ARHGAP36: variants seen among roughly 807,000 people sequenced by gnomAD.
The protein encoded by ARHGAP36 is rho GTPase-activating protein 36.
A neutral mutation model predicts 32.9 loss-of-function variants in ARHGAP36; 7 were observed. That is an observed-to-expected ratio of 0.21 (90% CI 0.12 to 0.40). The LOEUF (loss-of-function observed/expected upper bound fraction) is 0.40. Among genes scored for constraint, ARHGAP36 ranks in the 10% least tolerant of loss-of-function variants. The pLI, the probability that ARHGAP36 is intolerant of heterozygous loss-of-function variation, is 1.00. For missense variants in ARHGAP36, 383 were observed against 442.2 expected, an observed-to-expected ratio of 0.87 and a Z score of 1.20; for synonymous variants, 165 against 168.3, an observed-to-expected ratio of 0.98 and a Z score of 0.15.
At chrX:131,059,785 G>A (rs746375232) in intron 1 of ARHGAP36, among the ~76,000 whole-genome samples, 2 of 111,489 alleles carry the variant, frequency 1.8e-5, no homozygotes, top group Non-Finnish European at 3.8e-5. Context: ...GTCTTTTAAG[G>A]CCTTACTGCT....
chrX:131,082,719 C>G (rs1432597633), intron 2 of ARHGAP36, among the ~76,000 whole-genome samples: 1 of 113,139 alleles, frequency 8.8e-6, no homozygotes, highest in Admixed American at 9.2e-5. Flanking sequence ...CGCCGCTTCT[C>G]CTACCGCAGC....
intron 11 of ARHGAP36, 137 bp downstream of exon 11, chrX:131,086,802 A>C (rs991695771): frequency 6.2e-6 from 3 of 480,286 alleles, no homozygotes; most frequent in Admixed American, 8.1e-5. Context: ...ATGAAGAGCT[A>C]GTATTTGAAT....
At chrX:131,072,325 G>A (rs981777149) in intron 1 of ARHGAP36, among the ~76,000 whole-genome samples, 4 of 111,948 alleles carry the variant, frequency 3.6e-5, no homozygotes, top group Non-Finnish European at 5.6e-5. Context: ...AGAGGCCCTA[G>A]ACAAGAAGAC....
Position 131,081,801 on chromosome X carries a change from A to G in ARHGAP36, c.136A>G (p.Arg46Gly). The change falls in exon 2 of 12, where the codon AGG (arginine) becomes GGG (glycine). Residue 46 changes from arginine to glycine, a missense_variant. Physicochemically the swap from Arg to Gly is moderately radical, Grantham distance 125 (BLOSUM62 -2). Transcript: ENST00000276211. ...AGCCCCAGGACACAACCCCGACCGC[A>G]GGACGAAGATGGTATCGATACACAG... ...GGAPGHNPDR[R>G]TKMVSIHSLS... 1.7e-6 allele frequency: 2 copies of G among 1,212,102 alleles called. No homozygotes were observed. Among genetic ancestry groups the G allele is most frequent in the African/African-American group, 3.5e-5 (2 of 57,853 alleles).
chrX:131,081,874 A>T lies in ARHGAP36; in HGVS notation c.209A>T (p.Glu70Val). Residue 70 changes from glutamate to valine, a missense_variant, in exon 2 of 12, where the codon GAA (glutamate) becomes GTA (valine). Transcript: ENST00000276211. The stretch of plus-strand genomic sequence containing the variant: ...AAGCTGCAAGAGACTGCTTACCACG[A>T]ACTCGTGGCCAGACATTTCCTCTCC... ...RLKLQETAYH[E>V]LVARHFLSEF... 1 of 1,211,887 alleles carries T rather than the reference A, an allele frequency of 8.3e-7. No homozygotes were observed. The highest frequency in any genetic ancestry group is 3.0e-5 in the East Asian group (1 of 33,829).
At chrX:131,060,238 A>G (rs890380848) in intron 1 of ARHGAP36, among the ~76,000 whole-genome samples, 11 of 112,077 alleles carry the variant, frequency 9.8e-5, no homozygotes, top group African/African-American at 3.3e-4. Context: ...ATAAATGTCC[A>G]GTGACCAGGC....
chrX:131,070,280 A>G (rs1303629684), intron 1 of ARHGAP36, among the ~76,000 whole-genome samples: 1 of 112,345 alleles, frequency 8.9e-6, no homozygotes, highest in Non-Finnish European at 1.9e-5. Flanking sequence ...GGCCAGCTAG[A>G]GGGTGATTCA....
At chrX:131,083,077 C>T (rs1187351889) in intron 2 of ARHGAP36, 88 bp from the exon 3 acceptor site, 7 of 956,399 alleles carry the variant, frequency 7.3e-6, no homozygotes, top group Non-Finnish European at 7.2e-6. Flanking sequence ...CGCTCCCTCC[C>T]CCTGCTGCAG....
At chrX:131,082,790 G>T (rs777523555) in intron 2 of ARHGAP36, among the ~76,000 whole-genome samples, 19 of 113,213 alleles carry the variant, frequency 1.7e-4, no homozygotes, top group Non-Finnish European at 2.4e-4. Context: ...ACCCTCACCC[G>T]CGGTGGCGCT....
Position 131,081,972 on chromosome X carries a change from G to A in ARHGAP36, c.253+54G>A, listed in dbSNP as rs2079803205. On this transcript the variant is annotated intron_variant, in intron 2 of 11. Coordinates refer to ENST00000276211, the MANE Select transcript of ARHGAP36 (RefSeq NM_144967.4). ...TCGCCTTCGGGAGAGTGGACCCTCC[G>A]GGCAGGACGGGGCGGATTAGGGGTC... 9.4e-6 allele frequency: 11 copies of A among 1,171,834 alleles called. No individual in the cohort carries two copies. The South Asian group carries it at 1.5e-4, about 16-fold the overall frequency.
At chrX:131,061,682 A>T (rs949853499) in intron 1 of ARHGAP36, among the ~76,000 whole-genome samples, 3 of 111,187 alleles carry the variant, frequency 2.7e-5, no homozygotes, top group African/African-American at 9.8e-5. Flanking sequence ...GACCAATGAG[A>T]CACCCCATTC....
chrX:131,076,848 T>A (rs944730241), intron 1 of ARHGAP36, among the ~76,000 whole-genome samples: 2 of 112,154 alleles, frequency 1.8e-5, no homozygotes, highest in East Asian at 5.6e-4. Flanking sequence ...TGAAACATTC[T>A]AATATTATAA....
At chrX:131,078,688 G>GAC (rs2079778205) in intron 1 of ARHGAP36, 3 of 966,893 alleles carry the variant, frequency 3.1e-6, no homozygotes, top group Non-Finnish European at 4.0e-6. Flanking sequence ...CTTGTCTGGG[G>GAC]ACATTGGTCT....
intron 2 of ARHGAP36, among the ~76,000 whole-genome samples, chrX:131,082,845 G>T (rs752560263): frequency 8.8e-6 from 1 of 113,298 alleles, no homozygotes; most frequent in Non-Finnish European, 1.9e-5. Context: ...TGATCTGGGG[G>T]CTTCAGAGCC....
At chrX:131,082,518 C>A (rs974037663) in intron 2 of ARHGAP36, among the ~76,000 whole-genome samples, 1 of 112,761 alleles carries the variant, frequency 8.9e-6, no homozygotes, top group African/African-American at 3.2e-5. Context: ...GGTAAGCGCG[C>A]GGATTTGGCA....
At chrX:131,082,255 A>T (rs2079805343) in intron 2 of ARHGAP36, among the ~76,000 whole-genome samples, 1 of 112,080 alleles carries the variant, frequency 8.9e-6, no homozygotes, top group Non-Finnish European at 1.9e-5. Flanking sequence ...AGCGAGACGG[A>T]AGCGCAGAGG....
intron 1 of ARHGAP36, among the ~76,000 whole-genome samples, chrX:131,071,641 A>G (rs1449078940): frequency 8.9e-6 from 1 of 111,932 alleles, no homozygotes; most frequent in Non-Finnish European, 1.9e-5. Flanking sequence ...TTTGGAGAAT[A>G]AGTCCATGTC....
chrX:131,070,531 G>A (rs765054054), intron 1 of ARHGAP36, among the ~76,000 whole-genome samples: 1 of 111,768 alleles, frequency 8.9e-6, no homozygotes, highest in African/African-American at 3.3e-5. Context: ...GGAGGGGAAT[G>A]TTTGGGAGAC....
intron 1 of ARHGAP36, among the ~76,000 whole-genome samples, chrX:131,075,362 G>A (rs2079755742): frequency 9.1e-6 from 1 of 110,496 alleles, no homozygotes; most frequent in South Asian, 3.9e-4. Flanking sequence ...AGTGAAGCTG[G>A]GATTTGAAGC....
Sources: allele counts gnomAD v4.1 joint callset (sites outside exome capture counted in the v4.1 genomes callset), GRCh38; gene constraint gnomAD v4.1.1; transcripts MANE v1.5; gene names NCBI Gene and HGNC (gene_info 2026-07-23, HGNC 2026-07-21).